Variants in ENTREP1 observed in about 807,000 individuals in gnomAD.
ENTREP1 encodes the protein Friedreich ataxia region gene X123.
the ENTREP1 span, among the ~76,000 whole-genome samples, chr9:69,369,674 G>T: frequency 6.6e-6 from 1 of 151,550 alleles, no homozygotes; most frequent in South Asian, 2.1e-4. Context: ...GTGTCTGAGA[G>T]TCCAAGTGTT....
chr9:69,386,802 T>C, the ENTREP1 span: 2 of 152,276 alleles, frequency 1.3e-5, no homozygotes, highest in East Asian at 1.9e-4. Flanking sequence ...GGACTGACCA[T>C]GTGCGAGCCA....
chr9:69,330,068 TG>T, the ENTREP1 span, among the ~76,000 whole-genome samples: 1 of 123,744 alleles, frequency 8.1e-6, no homozygotes. Flanking sequence ...TAGATTCCAC[TG>T]GGGTATGGGA....
the ENTREP1 span, among the ~76,000 whole-genome samples, chr9:69,391,225 G>A: frequency 6.6e-6 from 1 of 152,124 alleles, no homozygotes; most frequent in African/African-American, 2.4e-5. Context: ...GTAGCAATTT[G>A]CTGAGAATTC....
the ENTREP1 span, among the ~76,000 whole-genome samples, chr9:69,378,819 C>T: frequency 6.6e-6 from 1 of 152,034 alleles, no homozygotes; most frequent in East Asian, 1.9e-4. Flanking sequence ...ATCCTCTGTG[C>T]TGGGTTATTG....
At chr9:69,329,358 A>G in the ENTREP1 span, 9 of 960,430 alleles carry the variant, frequency 9.4e-6, no homozygotes, top group Non-Finnish European at 1.1e-5. Flanking sequence ...TGAACACAGT[A>G]TAGTTCAAGG....
chr9:69,346,644 C>G, the ENTREP1 span, among the ~76,000 whole-genome samples: 1 of 152,190 alleles, frequency 6.6e-6, no homozygotes, highest in Admixed American at 6.5e-5. Flanking sequence ...ATCATTCAGA[C>G]TTTGCCTATA....
At chr9:69,383,300 C>A in the ENTREP1 span, 1 of 815,286 alleles carries the variant, frequency 1.2e-6, no homozygotes, top group Non-Finnish European at 1.6e-6. Context: ...ACCCCATACC[C>A]ATCAAACAGT....
the ENTREP1 span, among the ~76,000 whole-genome samples, chr9:69,331,541 G>A: frequency 6.6e-6 from 1 of 152,150 alleles, no homozygotes; most frequent in African/African-American, 2.4e-5. Flanking sequence ...TAATAATATA[G>A]AGATTGTTTG....
the ENTREP1 span, among the ~76,000 whole-genome samples, chr9:69,357,095 C>CAAAAAAAAAA: frequency 1.1e-5 from 1 of 88,978 alleles, no homozygotes; most frequent in Non-Finnish European, 2.3e-5. Flanking sequence ...ACCATCTCTA[C>CAAAAAAAAAA]AAAAAAAAAA....
chr9:69,367,700 T>TAA, the ENTREP1 span, among the ~76,000 whole-genome samples: 5 of 105,926 alleles, frequency 4.7e-5, no homozygotes, highest in East Asian at 8.1e-4. Context: ...TACACATATA[T>TAA]ATAAATATAT....
At chr9:69,371,953 C>T in the ENTREP1 span, among the ~76,000 whole-genome samples, 53 of 152,186 alleles carry the variant, frequency 3.5e-4, no homozygotes, top group Admixed American at 1.1e-3. Flanking sequence ...TACAGGTCAA[C>T]AGTCTTTTAT....
the ENTREP1 span, among the ~76,000 whole-genome samples, chr9:69,357,187 G>C: frequency 6.6e-6 from 1 of 152,034 alleles, no homozygotes; most frequent in South Asian, 2.1e-4. Context: ...CCCGGGATAG[G>C]GCAGAATTTG....
At chr9:69,352,544 C>T in the ENTREP1 span, among the ~76,000 whole-genome samples, 6,445 of 152,200 alleles carry the variant, frequency 0.042, 209 homozygotes, top group Non-Finnish European at 0.065. Flanking sequence ...ATGTACTAAT[C>T]GACTAATCAC....
At chr9:69,347,158 G>A in the ENTREP1 span, among the ~76,000 whole-genome samples, 17 of 152,160 alleles carry the variant, frequency 1.1e-4, no homozygotes, top group Non-Finnish European at 2.4e-4. Context: ...AGCAGGCATG[G>A]GGTGAGCTCA....
At chr9:69,360,394 C>T in the ENTREP1 span, among the ~76,000 whole-genome samples, 1 of 152,116 alleles carries the variant, frequency 6.6e-6, no homozygotes, top group South Asian at 2.1e-4. Context: ...GTCCCTTTCT[C>T]AATAAAGTTA....
At chr9:69,327,357 C>T in the ENTREP1 span, among the ~76,000 whole-genome samples, 1 of 152,136 alleles carries the variant, frequency 6.6e-6, no homozygotes, top group African/African-American at 2.4e-5. Context: ...TTCTGTTTGT[C>T]TGACTAAGTC....
chr9:69,340,197 G>C, the ENTREP1 span, among the ~76,000 whole-genome samples: 6 of 152,316 alleles, frequency 3.9e-5, no homozygotes, highest in Admixed American at 3.9e-4. Flanking sequence ...TTGTCAGGGA[G>C]TATTTTGGTG....
chr9:69,367,786 C>CATATATAAATATATATAT, the ENTREP1 span, among the ~76,000 whole-genome samples: 2 of 95,304 alleles, frequency 2.1e-5, no homozygotes, highest in Non-Finnish European at 4.3e-5. Context: ...AATATATATA[C>CATATATAAATATATATAT]ACACATATAT....
chr9:69,363,334 A>G, the ENTREP1 span, among the ~76,000 whole-genome samples: 1 of 152,208 alleles, frequency 6.6e-6, no homozygotes, highest in East Asian at 1.9e-4. Flanking sequence ...GCAAGTGATG[A>G]TTAATTTGAA....
Sources: gnomAD v4.1 joint callset for allele counts (sites outside exome capture counted in the v4.1 genomes callset) on GRCh38, gnomAD v4.1.1 for gene constraint, MANE v1.5 for transcripts, NCBI Gene and HGNC (gene_info 2026-07-23, HGNC 2026-07-21) for gene names.